Variants in CT47C1 observed in about 807,000 individuals in gnomAD.
CT47C1 encodes cancer/testis antigen family 47 member A11 pseudogene.
At chrX:119,073,388 G>A in the CT47C1 span, 17 of 532,986 alleles carry the variant, frequency 3.2e-5, no homozygotes, top group East Asian at 2.4e-4. Flanking sequence ...GAGAGGCCTC[G>A]GGGAGGAGGA....
chrX:119,073,683 G>T, the CT47C1 span: 2 of 623,773 alleles, frequency 3.2e-6, no homozygotes, highest in East Asian at 6.8e-5. Context: ...CGTGGCGGCC[G>T]CCTGATGCGG....
At chrX:119,073,196 G>T in the CT47C1 span, 1 of 468,967 alleles carries the variant, frequency 2.1e-6, no homozygotes, top group East Asian at 3.5e-5. Context: ...CAGCCTAGTC[G>T]CCACTCCAGT....
At chrX:119,073,905 C>G in the CT47C1 span, 4 of 837,703 alleles carry the variant, frequency 4.8e-6, no homozygotes, top group Non-Finnish European at 7.0e-6. Context: ...TCAGAGAAGC[C>G]CACAGAGGAG....
At chrX:119,073,865 G>A in the CT47C1 span, 1 of 869,374 alleles carries the variant, frequency 1.2e-6, no homozygotes, top group Non-Finnish European at 1.7e-6. Flanking sequence ...GATGGCCAGG[G>A]AGCCTGCAGA....
the CT47C1 span, chrX:119,073,757 C>T: frequency 1.4e-4 from 114 of 803,036 alleles, no homozygotes; most frequent in African/African-American, 2.0e-3. Context: ...GCATGAGAGG[C>T]TGGGCGTGGG....
chrX:119,075,076 A>T, the CT47C1 span: 1 of 1,086,824 alleles, frequency 9.2e-7, no homozygotes, highest in Non-Finnish European at 1.3e-6. Flanking sequence ...CTCCAAAGGG[A>T]CCTAGACGCA....
chrX:119,075,956 T>A, the CT47C1 span, among the ~76,000 whole-genome samples: 1 of 112,221 alleles, frequency 8.9e-6, no homozygotes, highest in Admixed American at 9.4e-5. Context: ...GTTGGTGTGA[T>A]CATTTGGCTG....
chrX:119,074,972 A>G, the CT47C1 span: 1 of 1,045,098 alleles, frequency 9.6e-7, no homozygotes, highest in Non-Finnish European at 1.3e-6. Flanking sequence ...GTCACTAAAT[A>G]TCAGCATGAA....
At chrX:119,075,554 CAA>C in the CT47C1 span, among the ~76,000 whole-genome samples, 1 of 111,853 alleles carries the variant, frequency 8.9e-6, no homozygotes, top group African/African-American at 3.2e-5. Flanking sequence ...TGACTACTAA[CAA>C]ATAGCAAAAA....
At chrX:119,073,857 T>C in the CT47C1 span, 1 of 869,284 alleles carries the variant, frequency 1.2e-6, no homozygotes. Context: ...CTGGCCGAGA[T>C]GGCCAGGGAG....
the CT47C1 span, among the ~76,000 whole-genome samples, chrX:119,074,308 G>A: frequency 9.0e-6 from 1 of 111,545 alleles, no homozygotes. Context: ...AAAACATGCC[G>A]CCCTCTACCA....
chrX:119,074,351 A>G, the CT47C1 span, among the ~76,000 whole-genome samples: 1 of 111,816 alleles, frequency 8.9e-6, no homozygotes, highest in East Asian at 2.8e-4. Context: ...GAGATCATCA[A>G]TGCCATTTGG....
At chrX:119,073,423 C>T in the CT47C1 span, 4 of 520,586 alleles carry the variant, frequency 7.7e-6, no homozygotes, top group East Asian at 1.4e-4. Context: ...CAGGCTTGGC[C>T]GCAGCCCCCG....
chrX:119,074,166 G>A, the CT47C1 span: 7 of 414,979 alleles, frequency 1.7e-5, no homozygotes, highest in Non-Finnish European at 2.5e-5. Context: ...CGCACAGCTG[G>A]TGAAGCAGGT....
chrX:119,073,991 G>T, the CT47C1 span: 9 of 685,455 alleles, frequency 1.3e-5, no homozygotes, highest in Non-Finnish European at 1.6e-5. Flanking sequence ...CGCAGAGGAG[G>T]CCGCAGAGGA....
chrX:119,073,031 A>G, the CT47C1 span, among the ~76,000 whole-genome samples: 1 of 112,012 alleles, frequency 8.9e-6, no homozygotes, highest in Non-Finnish European at 1.9e-5. Context: ...GGCTCCTGGG[A>G]TCGGCTCCCT....
the CT47C1 span, chrX:119,073,772 G>A: frequency 2.0e-4 from 165 of 826,494 alleles, no homozygotes; most frequent in South Asian, 8.5e-4. Context: ...CGTGGGGGCC[G>A]CGGGTCCTGA....
chrX:119,073,683 G>A, the CT47C1 span: 6 of 622,523 alleles, frequency 9.6e-6, no homozygotes, highest in Admixed American at 3.3e-5. Flanking sequence ...CGTGGCGGCC[G>A]CCTGATGCGG....
the CT47C1 span, among the ~76,000 whole-genome samples, chrX:119,076,720 A>T: frequency 3.6e-5 from 4 of 112,411 alleles, no homozygotes; most frequent in East Asian, 1.1e-3. Flanking sequence ...TTTCATACTG[A>T]TTACATGTTG....
Sources: allele counts gnomAD v4.1 joint callset (sites outside exome capture counted in the v4.1 genomes callset), GRCh38; gene constraint gnomAD v4.1.1; transcripts MANE v1.5; gene names NCBI Gene and HGNC (gene_info 2026-07-23, HGNC 2026-07-21).